Variants in FAAH2 observed in about 807,000 individuals in gnomAD.
FAAH2 encodes fatty-acid amide hydrolase 2.
Under a neutral mutation model 36.9 loss-of-function variants are expected in FAAH2, and 60 were observed. That is an observed-to-expected ratio of 1.63 (90% CI 1.32 to 2.02). FAAH2 has a LOEUF of 2.02. Ranked by LOEUF, FAAH2 falls within the 30% of genes most tolerant of loss-of-function variation. The pLI, the probability that FAAH2 is intolerant of heterozygous loss-of-function variation, is 0.00. For synonymous variants in FAAH2, 214 were observed against 143.8 expected (o/e 1.49, Z -3.49); for missense variants, 689 against 397.5 (o/e 1.73, Z -6.23).
chrX:57,438,310 G>A (rs1412552801), intron 8 of FAAH2, among the ~76,000 whole-genome samples: 1 of 106,526 alleles, frequency 9.4e-6, no homozygotes, highest in Non-Finnish European at 1.9e-5. Context: ...ACTGATGTAA[G>A]AAAAAGTAGA....
chrX:57,476,045 T>G (rs2057260762), intron 10 of FAAH2, among the ~76,000 whole-genome samples: 1 of 111,881 alleles, frequency 8.9e-6, no homozygotes, highest in African/African-American at 3.2e-5. Flanking sequence ...ATCGATTTTG[T>G]ATCCTGAGAC....
intron 10 of FAAH2, among the ~76,000 whole-genome samples, chrX:57,477,518 C>G (rs764321587): frequency 1.3e-3 from 139 of 110,757 alleles, no homozygotes; most frequent in African/African-American, 4.4e-3. Context: ...ACTTTAAGTT[C>G]TAGGGTGCAT....
intron 7 of FAAH2, among the ~76,000 whole-genome samples, chrX:57,386,020 A>T (rs1394973080): frequency 8.9e-6 from 1 of 112,122 alleles, no homozygotes; most frequent in Non-Finnish European, 1.9e-5. Flanking sequence ...ATTCATATAA[A>T]AACTCAGTGG....
chrX:57,369,921 C>T (rs963010268), intron 5 of FAAH2, among the ~76,000 whole-genome samples: 2 of 111,724 alleles, frequency 1.8e-5, no homozygotes, highest in African/African-American at 6.5e-5. Flanking sequence ...TTAAAACATG[C>T]AAATGGAGAT....
chrX:57,169,274 G>T, the FAAH2 span, among the ~76,000 whole-genome samples: 1 of 105,067 alleles, frequency 9.5e-6, no homozygotes, highest in African/African-American at 3.4e-5. Context: ...TTCAACATAC[G>T]ATTTTTGAGG....
intron 3 of FAAH2, among the ~76,000 whole-genome samples, chrX:57,316,290 TCG>T (rs1289082171): frequency 1.8e-5 from 2 of 111,489 alleles, no homozygotes; most frequent in Non-Finnish European, 3.8e-5. Flanking sequence ...ATTGATGAAA[TCG>T]CCATACATCC....
At position 57,331,776 on chromosome X, in the gene FAAH2, T is replaced by G; in HGVS notation, c.591T>G (p.Tyr197Ter). 8.3e-7 allele frequency: 1 copy of G among 1,211,714 alleles called. No homozygotes were observed. Among genetic ancestry groups the G allele is most frequent in the Non-Finnish European group, 1.1e-6 (1 of 895,467 alleles). The part of the protein sequence containing the change: ...NKIYGRSNNP[Y>*]DLQHIVGGSS... ...TCTATGGCCGATCAAACAACCCATA[T>G]GATTTACAGCATATTGTAGGTGGAA... Residue 197 changes from tyrosine to a stop codon, truncating the protein, a stop_gained, in exon 4 of 11, where the codon TAT becomes TAG. Transcript: ENST00000374900. LOFTEE classifies it high-confidence loss of function.
chrX:57,403,368 C>T (rs1213632771), intron 7 of FAAH2, among the ~76,000 whole-genome samples: 2 of 112,553 alleles, frequency 1.8e-5, no homozygotes, highest in African/African-American at 3.2e-5. Flanking sequence ...CACCTGTTTT[C>T]CTGCCTTTCT....
chrX:57,435,105 TAAAAC>T (rs2056382674), intron 8 of FAAH2, among the ~76,000 whole-genome samples: 1 of 111,743 alleles, frequency 8.9e-6, no homozygotes. Flanking sequence ...AGAGCAGACT[TAAAAC>T]AAATGCTCAA....
At chrX:57,374,687 G>C (rs1219539091) in intron 5 of FAAH2, among the ~76,000 whole-genome samples, 4 of 111,404 alleles carry the variant, frequency 3.6e-5, no homozygotes, top group African/African-American at 9.8e-5. Context: ...TTACCGATTT[G>C]GATGCCCTTT....
At chrX:57,477,902 G>T (rs1272717317) in intron 10 of FAAH2, among the ~76,000 whole-genome samples, 1 of 111,750 alleles carries the variant, frequency 8.9e-6, no homozygotes, top group Non-Finnish European at 1.9e-5. Context: ...TGGACATTTG[G>T]GTTGGTTCCA....
At chrX:57,466,147 TC>T (rs2057043529) in intron 10 of FAAH2, among the ~76,000 whole-genome samples, 7 of 83,156 alleles carry the variant, frequency 8.4e-5, no homozygotes, top group Non-Finnish European at 1.3e-4. Context: ...TCTCTCTCTC[TC>T]TCTCTCTCTA....
chrX:57,182,889 T>C, the FAAH2 span, among the ~76,000 whole-genome samples: 59 of 111,417 alleles, frequency 5.3e-4, no homozygotes, highest in African/African-American at 1.7e-3. Flanking sequence ...ATGTCCATTG[T>C]AGGTACATAG....
chrX:57,235,091 C>T, the FAAH2 span, among the ~76,000 whole-genome samples: 1 of 110,840 alleles, frequency 9.0e-6, no homozygotes, highest in African/African-American at 3.3e-5. Context: ...AAACTCTGTG[C>T]ACACAATCCA....
At chrX:57,340,208 G>A (rs943812484) in intron 4 of FAAH2, among the ~76,000 whole-genome samples, 2 of 111,820 alleles carry the variant, frequency 1.8e-5, no homozygotes, top group South Asian at 7.5e-4. Flanking sequence ...CAGCATGGAG[G>A]AAAGATGAAT....
At chrX:57,313,371 T>C (rs867535632) in intron 3 of FAAH2, among the ~76,000 whole-genome samples, 65 of 107,570 alleles carry the variant, frequency 6.0e-4, no homozygotes, top group African/African-American at 2.1e-3. Context: ...GACATGCAAA[T>C]CAAAGTGGTA....
At chrX:57,469,807 C>A (rs925929237) in intron 10 of FAAH2, among the ~76,000 whole-genome samples, 3 of 111,747 alleles carry the variant, frequency 2.7e-5, no homozygotes, top group Non-Finnish European at 5.6e-5. Flanking sequence ...TTCTTCGCAG[C>A]ACCACACCTC....
chrX:57,213,986 G>C, the FAAH2 span, among the ~76,000 whole-genome samples: 1 of 111,964 alleles, frequency 8.9e-6, no homozygotes, highest in Non-Finnish European at 1.9e-5. Flanking sequence ...GTTATATAAA[G>C]TTGGATGCTC....
chrX:57,208,493 C>T, the FAAH2 span, among the ~76,000 whole-genome samples: 2 of 111,890 alleles, frequency 1.8e-5, no homozygotes, highest in Admixed American at 9.5e-5. Context: ...GTCCAAACAT[C>T]GCTCTGGCAA....
Sources: gnomAD v4.1 joint callset for allele counts (sites outside exome capture counted in the v4.1 genomes callset) on GRCh38, gnomAD v4.1.1 for gene constraint, MANE v1.5 for transcripts, NCBI Gene and HGNC (gene_info 2026-07-23, HGNC 2026-07-21) for gene names.